EVC: variants seen among roughly 807,000 people sequenced by gnomAD.
EVC encodes evC complex member EVC.
Under a neutral mutation model 118.9 loss-of-function variants are expected in EVC, and 116 were observed. The ratio of observed to expected loss-of-function variants is 0.98; its 90% CI spans 0.84 to 1.14. The LOEUF is 1.14. Ranked by LOEUF, EVC falls within the 50% of genes most tolerant of loss-of-function variation. The pLI is 0.00. For missense variants in EVC, 1,401 were observed against 1,246.4 expected, an observed-to-expected ratio of 1.12 and a Z score of -1.87; for synonymous variants, 619 against 534.7, an observed-to-expected ratio of 1.16 and a Z score of -2.18.
In EVC at chr4:5,749,569, C is replaced by A. The variant is rs573189251; in HGVS notation, c.1098+1263C>A. On this transcript the variant is annotated intron_variant, in intron 8 of 20. Coordinates refer to ENST00000264956, the MANE Select transcript of EVC (RefSeq NM_153717.3). This position sits in a 1 kb window ranked among gnomAD's most constrained non-coding sequence, Gnocchi z 4.4. The stretch of plus-strand genomic sequence containing the variant: ...TATAAAATAATAGTGCTAAGAGTTG[C>A]CACAGACAGGGCCTGGCTAGATGCT... Among the ~76,000 whole-genome samples the A allele has an allele frequency of 1.8e-4, 28 of 152,222 alleles. No homozygotes were observed. The highest frequency in any genetic ancestry group is 6.3e-4 in the African/African-American group (26 of 41,508).
chr4:5,821,587 A>T, the EVC span: 5 of 635,004 alleles, frequency 7.9e-6, no homozygotes, highest in African/African-American at 3.7e-5. This position sits in a 1 kb window ranked among gnomAD's most constrained non-coding sequence, Gnocchi z 4.4. Flanking sequence ...TTCCAAGCAA[A>T]CACACCACAC....
intron 17 of EVC, 54 bp downstream of exon 17, chr4:5,804,895 G>A: frequency 6.8e-7 from 1 of 1,465,956 alleles, no homozygotes; most frequent in Non-Finnish European, 9.5e-7. Context: ...CATTCACATG[G>A]CATATCTCTC....
intron 7 of EVC, among the ~76,000 whole-genome samples, chr4:5,747,856 G>A (rs1477987036): frequency 1.3e-5 from 2 of 152,162 alleles, no homozygotes; most frequent in Admixed American, 1.3e-4. Flanking sequence ...GTAATGACCT[G>A]TGCAAGAGTC....
rs1435907996 is a variant in EVC at position 5,755,815 on chromosome 4, G to A, written c.1465-449G>A. Among the ~76,000 whole-genome samples the A allele has an allele frequency of 6.6e-6, 1 of 152,184 alleles. No individual in the cohort carries two copies. Among genetic ancestry groups the A allele is most frequent in the Non-Finnish European group, 1.5e-5 (1 of 68,022 alleles). On this transcript the variant is annotated intron_variant, in intron 10 of 20. Transcript: ENST00000264956. This position sits in a 1 kb window ranked among gnomAD's most constrained non-coding sequence, Gnocchi z 4.1. ...GGTTAGCCCAGTCTCCTGCTGCTCT[G>A]CTGGGGTCCTCAGGGAAGGGCCTCC...
intron 5 of EVC, among the ~76,000 whole-genome samples, chr4:5,741,421 A>G (rs1246574231): frequency 6.6e-6 from 1 of 152,124 alleles, no homozygotes; most frequent in Non-Finnish European, 1.5e-5. Context: ...GAAATGGGGG[A>G]TGTGGAGGGC....
intron 5 of EVC, among the ~76,000 whole-genome samples, chr4:5,740,437 C>G (rs1317404179): frequency 6.8e-6 from 1 of 147,706 alleles, no homozygotes; most frequent in Non-Finnish European, 1.5e-5. Context: ...CACCACTGCA[C>G]TCTAGCCTGG....
intron 12 of EVC, among the ~76,000 whole-genome samples, chr4:5,791,741 C>T (rs1014582534): frequency 3.3e-5 from 5 of 152,078 alleles, no homozygotes; most frequent in African/African-American, 1.2e-4. Flanking sequence ...GATGAGGCCC[C>T]TCTGTTACAT....
downstream of EVC, among the ~76,000 whole-genome samples, chr4:5,816,639 C>T (rs1203313688): frequency 3.6e-5 from 5 of 138,826 alleles, no homozygotes; most frequent in Admixed American, 2.2e-4. Context: ...CCCTCCTTCC[C>T]CTCTCTCCCT....
chr4:5,802,723 A>C (rs1715228776), intron 16 of EVC, among the ~76,000 whole-genome samples: 1 of 152,186 alleles, frequency 6.6e-6, no homozygotes, highest in Non-Finnish European at 1.5e-5. Context: ...TGAGACTCTG[A>C]TGCCACTGCT....
chr4:5,808,294 C>G lies in EVC; in HGVS notation c.2655C>G (p.Asp885Glu). ...AGCAGCAGCAGGCAGGAGTCATGGACCTTCTGGAAGCCCAGCTGGAGACCC... is the reference window on the plus strand; with the variant it reads ...AGCAGCAGCAGGCAGGAGTCATGGAGCTTCTGGAAGCCCAGCTGGAGACCC... The part of the protein sequence containing the change: ...HAQQQQAGVM[D>E]LLEAQLETQL... Residue 885 changes from aspartate to glutamate, a missense_variant, in exon 18 of 21, where the codon GAC becomes GAG. Physicochemically the swap from Asp to Glu is conservative, Grantham distance 45 (BLOSUM62 2). Transcript: ENST00000264956. The G allele has an allele frequency of 6.2e-7, 1 of 1,614,172 alleles. No homozygotes were observed. The highest frequency in any genetic ancestry group is 8.5e-7 in the Non-Finnish European group (1 of 1,180,034).
rs1734763842 is a variant in EVC at position 5,776,666 on chromosome 4, CATT to C, written c.1564-6883_1564-6881del. 2.6e-5 allele frequency among the ~76,000 whole-genome samples: 4 copies of C among 152,256 alleles called. 2 individuals carry two copies. The South Asian group carries it at 8.3e-4, about 32-fold the overall frequency. ...GACCTTCCCATTGTATGTGCTCTGT[CATT>C]ATCTTTTCCTCCATATTTTCCATCC... On this transcript the variant is annotated intron_variant, in intron 11 of 20. Coordinates refer to ENST00000264956, the MANE Select transcript of EVC (RefSeq NM_153717.3).
intron 11 of EVC, among the ~76,000 whole-genome samples, chr4:5,762,279 AT>A (rs554594030): frequency 7.5e-6 from 1 of 132,816 alleles, no homozygotes; most frequent in Non-Finnish European, 1.6e-5. Flanking sequence ...TATGTGCCAC[AT>A]TTTCTTAATC....
At chr4:5,768,185 G>C (rs528722858) in intron 11 of EVC, among the ~76,000 whole-genome samples, 2 of 152,236 alleles carry the variant, frequency 1.3e-5, no homozygotes, top group South Asian at 4.2e-4. Context: ...CCTCATCTTG[G>C]AAGACGTTGC....
At chr4:5,816,476 G>A (rs1486305357), downstream of EVC, among the ~76,000 whole-genome samples, 1 of 152,184 alleles carries the variant, frequency 6.6e-6, no homozygotes, top group Non-Finnish European at 1.5e-5. Context: ...CCAGAGGACA[G>A]CCTGGGCCCC....
At chr4:5,785,727 A>G (rs1409282137) in intron 12 of EVC, among the ~76,000 whole-genome samples, 3 of 152,244 alleles carry the variant, frequency 2.0e-5, no homozygotes, top group Non-Finnish European at 4.4e-5. Flanking sequence ...AGTGGCTGCA[A>G]TATGGTAAAT....
Position 5,754,740 on chromosome 4 carries a change from C to T in EVC, c.1464+807C>T, listed in dbSNP as rs1730908202. Among the ~76,000 whole-genome samples the T allele has an allele frequency of 6.6e-6, 1 of 152,120 alleles. No homozygotes were observed. The highest frequency in any genetic ancestry group is 2.4e-5 in the African/African-American group (1 of 41,432). Reference sequence around the variant, plus strand: ...GGTGACCTTGGGCATGTTGCTTACCCTCTGGCCCTCAGCTTCCACATCTGT... The same window carrying T: ...GGTGACCTTGGGCATGTTGCTTACCTTCTGGCCCTCAGCTTCCACATCTGT... On this transcript the variant is annotated intron_variant, in intron 10 of 20. Coordinates refer to ENST00000264956, the MANE Select transcript of EVC (RefSeq NM_153717.3). This position sits in a 1 kb window ranked among gnomAD's most constrained non-coding sequence, Gnocchi z 5.8.
At chr4:5,781,251 A>T (rs892767408) in intron 11 of EVC, among the ~76,000 whole-genome samples, 1 of 152,132 alleles carries the variant, frequency 6.6e-6, no homozygotes, top group African/African-American at 2.4e-5. Flanking sequence ...TGGCTTATTC[A>T]GGGACTGCCA....
At chr4:5,825,368 C>T in the EVC span, 3 of 1,444,984 alleles carry the variant, frequency 2.1e-6, no homozygotes, top group Non-Finnish European at 2.7e-6. The surrounding 1 kb of genome is among the most constrained non-coding windows in gnomAD (Gnocchi z 4.4). Context: ...TCGGGTGGGG[C>T]ACACTCCCTT....
rs555322397 is a variant in EVC, at chr4:5,711,210, C to T, written c.-171C>T. On this transcript the variant is annotated 5_prime_UTR_variant, in exon 1 of 21. Transcript: ENST00000264956. Reference sequence around the variant, plus strand: ...ATCCAGGCTCCTCCCTCCGGCTCGGCGAAGCAGGGAAGGGGAGAGAAGCAG... The same window carrying T: ...ATCCAGGCTCCTCCCTCCGGCTCGGTGAAGCAGGGAAGGGGAGAGAAGCAG... The T allele has an allele frequency of 5.3e-5, 16 of 301,342 alleles. No individual in the cohort carries two copies. In the South Asian group the frequency reaches 1.9e-3, roughly 36 times the overall value. 18.7% of individuals were successfully genotyped at this position (301,342 alleles called of 1,614,324 possible).
Sources: gnomAD v4.1 joint callset for allele counts (sites outside exome capture counted in the v4.1 genomes callset) on GRCh38, gnomAD v4.1.1 for gene constraint, Gnocchi (gnomAD v3.1) non-coding constraint, MANE v1.5 for transcripts, NCBI Gene and HGNC (gene_info 2026-07-23, HGNC 2026-07-21) for gene names.